Variants in NBEA observed in about 807,000 individuals in gnomAD.
The protein encoded by NBEA is lysosomal-trafficking regulator 2.
Under a neutral mutation model 343.4 loss-of-function variants are expected in NBEA, and 44 were observed. That is an observed-to-expected ratio of 0.13 (90% CI 0.10 to 0.16). The LOEUF (loss-of-function observed/expected upper bound fraction) is 0.16. Ranked by LOEUF, NBEA falls within the 10% of genes least tolerant of loss-of-function variation. The pLI is 1.00. For synonymous variants in NBEA, 1,175 were observed against 1,238.7 expected (o/e 0.95, Z 1.08); for missense variants, 2,555 against 3,631.3 (o/e 0.70, Z 7.62).
At chr13:35,234,458 A>G (rs2075129689) in intron 34 of NBEA, among the ~76,000 whole-genome samples, 1 of 152,208 alleles carries the variant, frequency 6.6e-6, no homozygotes, top group African/African-American at 2.4e-5. Flanking sequence ...AAACAGAAGA[A>G]ATATTCCTCA....
At chr13:35,646,657 A>G (rs1262702204) in intron 51 of NBEA, among the ~76,000 whole-genome samples, 1 of 152,244 alleles carries the variant, frequency 6.6e-6, no homozygotes, top group Non-Finnish European at 1.5e-5. Flanking sequence ...GAATTAGACT[A>G]TATTTGTAAA....
chr13:35,034,519 G>A lies in NBEA; in HGVS notation c.295-6414G>A, dbSNP rs113293296. On this transcript the variant is annotated intron_variant, in intron 1 of 58. Coordinates refer to ENST00000379939, the MANE Select transcript of NBEA (RefSeq NM_001385012.1). Reference sequence around the variant, plus strand: ...GTGTCTGTGACTGGTTTTGGTATCCGGGTAATACGGGCCTCATGGAATGAG... The same window carrying A: ...GTGTCTGTGACTGGTTTTGGTATCCAGGTAATACGGGCCTCATGGAATGAG... 1.3e-3 allele frequency among the ~76,000 whole-genome samples: 197 copies of A among 151,648 alleles called. 1 individual carries two copies. Among genetic ancestry groups the A allele is most frequent in the African/African-American group, 4.4e-3 (181 of 41,402 alleles).
chr13:35,071,576 G>A (rs1179797464), intron 10 of NBEA, among the ~76,000 whole-genome samples: 4 of 151,812 alleles, frequency 2.6e-5, no homozygotes, highest in African/African-American at 7.3e-5. Context: ...GCCATGCTTG[G>A]GGATTTTAAT....
chr13:35,316,425 A>G (rs1385127083), intron 36 of NBEA, among the ~76,000 whole-genome samples: 1 of 152,194 alleles, frequency 6.6e-6, no homozygotes, highest in Non-Finnish European at 1.5e-5. Context: ...TGTCCCTGCA[A>G]AGGACATGAA....
chr13:35,101,037 C>T (rs1457321671), intron 11 of NBEA, among the ~76,000 whole-genome samples: 10 of 151,888 alleles, frequency 6.6e-5, no homozygotes, highest in African/African-American at 9.7e-5. Context: ...TTTAGAACTC[C>T]GTTCTTTTTT....
chr13:35,513,093 G>T (rs151115530), intron 41 of NBEA, among the ~76,000 whole-genome samples: 2 of 149,818 alleles, frequency 1.3e-5, no homozygotes, highest in Non-Finnish European at 3.0e-5. Context: ...TCCTGAACTC[G>T]TTTGTTTTTA....
intron 39 of NBEA, among the ~76,000 whole-genome samples, chr13:35,447,053 A>G (rs2046086389): frequency 1.3e-5 from 2 of 152,194 alleles, no homozygotes; most frequent in South Asian, 2.1e-4. Flanking sequence ...TGATTATAGG[A>G]GGATTTCTTA....
intron 38 of NBEA, among the ~76,000 whole-genome samples, chr13:35,418,568 A>G (rs2044086737): frequency 6.6e-6 from 1 of 152,050 alleles, no homozygotes; most frequent in African/African-American, 2.4e-5. Context: ...ATGCTCAGTA[A>G]ATATATTTTT....
At chr13:35,027,831 A>G (rs1335395204) in intron 1 of NBEA, among the ~76,000 whole-genome samples, 1 of 151,964 alleles carries the variant, frequency 6.6e-6, no homozygotes, top group African/African-American at 2.4e-5. Context: ...ATGATTAATT[A>G]TGAGTTAATT....
intron 30 of NBEA, among the ~76,000 whole-genome samples, chr13:35,191,089 C>T (rs937547338): frequency 8.5e-5 from 13 of 152,092 alleles, no homozygotes; most frequent in East Asian, 5.8e-4. Flanking sequence ...GTTTATCCTA[C>T]GCTGGGGAAC....
chr13:35,252,866 C>G lies in NBEA; in HGVS notation c.5776+20247C>G, dbSNP rs1458731112. ...GGCCTGAATGTTGCCCCCCAGGTCCCTAAAACTTGGGATGGACTTGAGAGA... is the reference window on the plus strand; with the variant it reads ...GGCCTGAATGTTGCCCCCCAGGTCCGTAAAACTTGGGATGGACTTGAGAGA... On this transcript the variant is annotated intron_variant, in intron 34 of 58. Coordinates refer to ENST00000379939, the MANE Select transcript of NBEA (RefSeq NM_001385012.1). Among the ~76,000 whole-genome samples the G allele has an allele frequency of 2.6e-5, 4 of 152,136 alleles. No individual in the cohort carries two copies. The East Asian group carries it at 7.7e-4, about 29-fold the overall frequency.
intron 30 of NBEA, among the ~76,000 whole-genome samples, chr13:35,184,419 C>G (rs1181373122): frequency 6.6e-6 from 1 of 151,892 alleles, no homozygotes; most frequent in Non-Finnish European, 1.5e-5. Context: ...TAAAAACATG[C>G]CTTGAAAGCA....
At chr13:35,662,100 T>C (rs2153085385) in intron 55 of NBEA, among the ~76,000 whole-genome samples, 1 of 152,364 alleles carries the variant, frequency 6.6e-6, no homozygotes, top group African/African-American at 2.4e-5. Flanking sequence ...TCTATGTGAA[T>C]AAGCAGCATC....
chr13:35,329,823 A>ACCAGACTTTAAG (rs749782033), intron 36 of NBEA, among the ~76,000 whole-genome samples: 1 of 18,928 alleles, frequency 5.3e-5, no homozygotes, highest in Non-Finnish European at 1.0e-4. Flanking sequence ...TGTGTCTTAA[A>ACCAGACTTTAAG]AAAACTACAG....
At chr13:35,336,451 G>A (rs953978185) in intron 36 of NBEA, among the ~76,000 whole-genome samples, 11 of 152,110 alleles carry the variant, frequency 7.2e-5, no homozygotes, top group African/African-American at 1.9e-4. Flanking sequence ...CAGCTATTGC[G>A]GAAAGTAGCG....
intron 10 of NBEA, among the ~76,000 whole-genome samples, chr13:35,084,913 C>T (rs1234581202): frequency 6.6e-6 from 1 of 152,060 alleles, no homozygotes; most frequent in Non-Finnish European, 1.5e-5. Flanking sequence ...CACCACCGAT[C>T]CCACAGAAAT....
chr13:35,050,718 C>CT (rs1457946762), intron 6 of NBEA, among the ~76,000 whole-genome samples: 2 of 151,840 alleles, frequency 1.3e-5, no homozygotes, highest in African/African-American at 2.4e-5. Context: ...AAATATTTGC[C>CT]TTTTTTTAAA....
chr13:35,585,535 C>T (rs117249827), intron 46 of NBEA, among the ~76,000 whole-genome samples: 1 of 152,030 alleles, frequency 6.6e-6, no homozygotes, highest in Non-Finnish European at 1.5e-5. Context: ...TGTTCCTCTT[C>T]TACAGGATTT....
intron 1 of NBEA, among the ~76,000 whole-genome samples, chr13:34,999,956 G>A (rs1382784544): frequency 2.6e-5 from 4 of 152,046 alleles, no homozygotes; most frequent in Non-Finnish European, 4.4e-5. Context: ...TCATCCGTCG[G>A]TATGTCTGTA....
Sources: allele counts gnomAD v4.1 joint callset (sites outside exome capture counted in the v4.1 genomes callset), GRCh38; gene constraint gnomAD v4.1.1; transcripts MANE v1.5; gene names NCBI Gene and HGNC (gene_info 2026-07-23, HGNC 2026-07-21).